Variants in GABBR2 observed in about 807,000 individuals in gnomAD.
The protein encoded by GABBR2 is G-protein coupled receptor 51.
A neutral mutation model predicts 105.6 loss-of-function variants in GABBR2; 23 were observed. The ratio of observed to expected loss-of-function variants is 0.22; its 90% CI spans 0.16 to 0.31. The LOEUF is 0.31. Among genes scored for constraint, GABBR2 ranks in the 10% least tolerant of loss-of-function variants. The probability of loss-of-function intolerance (pLI) is 1.00; values close to 1 mark genes in which losing one functional copy is unlikely to be tolerated. For missense variants in GABBR2, 734 were observed against 1,245.5 expected, an observed-to-expected ratio of 0.59 and a Z score of 6.18; for synonymous variants, 478 against 499.7, an observed-to-expected ratio of 0.96 and a Z score of 0.58.
chr9:98,686,929 C>T (rs1050120720), intron 1 of GABBR2, among the ~76,000 whole-genome samples: 2 of 151,928 alleles, frequency 1.3e-5, no homozygotes, highest in South Asian at 4.2e-4. Flanking sequence ...CCAGCAGAGC[C>T]CAGACCACCC....
At chr9:98,393,022 G>GCATCTACCCAAC (rs1832213067) in intron 9 of GABBR2, among the ~76,000 whole-genome samples, 1 of 65,436 alleles carries the variant, frequency 1.5e-5, no homozygotes, top group Non-Finnish European at 2.8e-5. Context: ...ACCCATCCAT[G>GCATCTACCCAAC]CATCCACCCA....
intron 2 of GABBR2, among the ~76,000 whole-genome samples, chr9:98,563,068 C>CAAA (rs56185925): frequency 3.2e-5 from 2 of 63,024 alleles, no homozygotes; most frequent in African/African-American, 6.3e-5. Context: ...AGACCCTGTC[C>CAAA]AAAAAAAAAA....
At chr9:98,637,807 T>C (rs1328536710) in intron 1 of GABBR2, among the ~76,000 whole-genome samples, 35 of 152,196 alleles carry the variant, frequency 2.3e-4, no homozygotes, top group Non-Finnish European at 5.1e-4. Context: ...ATGTTGGGTT[T>C]CTGACCTCCA....
At chr9:98,519,529 C>A (rs7048239) in intron 3 of GABBR2, among the ~76,000 whole-genome samples, 2 of 152,034 alleles carry the variant, frequency 1.3e-5, no homozygotes, top group Non-Finnish European at 2.9e-5. Context: ...TCACTCCTTG[C>A]GGGCATGGGT....
chr9:98,394,743 C>G (rs563264978), intron 8 of GABBR2, among the ~76,000 whole-genome samples: 2 of 152,318 alleles, frequency 1.3e-5, no homozygotes, highest in South Asian at 2.1e-4. Flanking sequence ...CCTGCTCCCC[C>G]ACCCCAGCCC....
intron 1 of GABBR2, among the ~76,000 whole-genome samples, chr9:98,646,663 C>T (rs1830031931): frequency 6.6e-6 from 1 of 152,152 alleles, no homozygotes; most frequent in Non-Finnish European, 1.5e-5. Flanking sequence ...AGTCTTCGTT[C>T]AGTTGGTCTT....
chr9:98,432,615 C>T (rs891430596), intron 7 of GABBR2, among the ~76,000 whole-genome samples: 5 of 152,204 alleles, frequency 3.3e-5, no homozygotes, highest in East Asian at 1.9e-4. Context: ...TGGTCCTAAT[C>T]GTGTCTCCCT....
At chr9:98,668,902 T>C (rs976502241) in intron 1 of GABBR2, among the ~76,000 whole-genome samples, 9 of 152,080 alleles carry the variant, frequency 5.9e-5, no homozygotes, top group African/African-American at 2.2e-4. Flanking sequence ...TGTGTGTGTG[T>C]GTGTGTGTGT....
intron 1 of GABBR2, among the ~76,000 whole-genome samples, chr9:98,668,884 TG>T (rs1477809770): frequency 9.4e-4 from 44 of 47,006 alleles, no homozygotes; most frequent in Non-Finnish European, 3.2e-4. Context: ...TATTCCATTT[TG>T]TGTGTGTGTG....
chr9:98,325,283 CTTTTTTTTTTTTTT>C (rs886288539), intron 13 of GABBR2, among the ~76,000 whole-genome samples: 2 of 67,618 alleles, frequency 3.0e-5, no homozygotes, highest in African/African-American at 6.3e-5. Flanking sequence ...GACAGCAATT[CTTTTTTTTTTTTTT>C]TTTTTTTTTT....
At chr9:98,636,699 G>T (rs952795166) in intron 1 of GABBR2, among the ~76,000 whole-genome samples, 1 of 151,756 alleles carries the variant, frequency 6.6e-6, no homozygotes, top group African/African-American at 2.4e-5. Flanking sequence ...TTACTGTGTT[G>T]CCCAGGCTGG....
Position 98,354,842 on chromosome 9 carries a change from C to T in GABBR2, c.1893+7873G>A, listed in dbSNP as rs923085582. Among the ~76,000 whole-genome samples the T allele has an allele frequency of 4.6e-5, 7 of 152,246 alleles. No individual in the cohort carries two copies. The East Asian group carries it at 1.4e-3, about 29-fold the overall frequency. ...TTCACTGAAACAGCACTTTTAATTC[C>T]CTTCAAGAATTTTTCCTTTGCATTC... On this transcript the variant is annotated intron_variant, in intron 13 of 18. Transcript: ENST00000259455.
intron 3 of GABBR2, among the ~76,000 whole-genome samples, chr9:98,522,141 T>C (rs1346424097): frequency 1.6e-5 from 2 of 121,416 alleles, no homozygotes; most frequent in African/African-American, 5.6e-5. Flanking sequence ...AGAATTTAAT[T>C]GTAAAAAAAA....
At chr9:98,350,490 T>C (rs563681393) in intron 13 of GABBR2, among the ~76,000 whole-genome samples, 2 of 152,232 alleles carry the variant, frequency 1.3e-5, no homozygotes, top group Non-Finnish European at 2.9e-5. Flanking sequence ...AATTTCTTCA[T>C]TGACCTAACA....
chr9:98,312,903 C>T (rs1345803887), intron 13 of GABBR2, among the ~76,000 whole-genome samples: 1 of 152,122 alleles, frequency 6.6e-6, no homozygotes, highest in Non-Finnish European at 1.5e-5. Context: ...GCGGCCGCCA[C>T]CATGCCTGGC....
chr9:98,498,857 C>T (rs894079124), intron 3 of GABBR2, among the ~76,000 whole-genome samples: 6 of 152,232 alleles, frequency 3.9e-5, no homozygotes, highest in African/African-American at 1.4e-4. Context: ...TTTTGAGCAG[C>T]ACGAGGTGTT....
intron 1 of GABBR2, among the ~76,000 whole-genome samples, chr9:98,668,273 T>C (rs973100277): frequency 1.3e-5 from 2 of 152,172 alleles, no homozygotes; most frequent in African/African-American, 2.4e-5. Flanking sequence ...TTTCAGACAT[T>C]TTTAAATTCT....
intron 1 of GABBR2, among the ~76,000 whole-genome samples, chr9:98,636,480 CCTTT>C (rs1829877998): frequency 7.3e-6 from 1 of 137,118 alleles, no homozygotes; most frequent in African/African-American, 2.7e-5. Flanking sequence ...ATTTTTCTTT[CCTTT>C]CTTTTTTTTT....
At chr9:98,391,840 G>A (rs138413964) in intron 9 of GABBR2, among the ~76,000 whole-genome samples, 1 of 152,306 alleles carries the variant, frequency 6.6e-6, no homozygotes, top group East Asian at 1.9e-4. Context: ...GGGGCTCTGA[G>A]CAGAGGTGGC....
Sources: gnomAD v4.1 joint callset for allele counts (sites outside exome capture counted in the v4.1 genomes callset) on GRCh38, gnomAD v4.1.1 for gene constraint, MANE v1.5 for transcripts, NCBI Gene and HGNC (gene_info 2026-07-23, HGNC 2026-07-21) for gene names.